PTBP3: variants seen among roughly 807,000 people sequenced by gnomAD.
PTBP3 encodes the protein polypyrimidine tract binding protein 3, also known as polypyrimidine tract-binding protein 3.
A neutral mutation model predicts 58.7 loss-of-function variants in PTBP3; 20 were observed. That is an observed-to-expected ratio of 0.34 (90% CI 0.24 to 0.50). PTBP3 has a LOEUF of 0.50. Among genes scored for constraint, PTBP3 ranks in the 20% least tolerant of loss-of-function variants. The probability of loss-of-function intolerance (pLI) is 0.98; values close to 1 mark genes in which losing one functional copy is unlikely to be tolerated. For missense variants in PTBP3, 509 were observed against 637.2 expected (o/e 0.80, Z 2.17); for synonymous variants, 185 against 219.8 (o/e 0.84, Z 1.40).
upstream of PTBP3, among the ~76,000 whole-genome samples, chr9:112,337,753 C>T (rs1338645803): frequency 3.3e-5 from 5 of 152,262 alleles, no homozygotes; most frequent in African/African-American, 9.6e-5. Context: ...ACACCACCCC[C>T]ATCACGATTA....
intron 1 of PTBP3, among the ~76,000 whole-genome samples, chr9:112,315,111 A>G (rs781628782): frequency 2.0e-5 from 3 of 152,056 alleles, no homozygotes; most frequent in African/African-American, 4.8e-5. Flanking sequence ...GATTACAGGC[A>G]TGAGCCACCG....
At chr9:112,370,648 G>C in the PTBP3 span, among the ~76,000 whole-genome samples, 2,057 of 152,258 alleles carry the variant, frequency 0.014, 24 homozygotes, top group Admixed American at 0.018. Context: ...TTGAGGATTG[G>C]CTTTTCCATT....
chr9:112,282,318 A>G (rs1827906695), intron 2 of PTBP3, among the ~76,000 whole-genome samples: 1 of 152,120 alleles, frequency 6.6e-6, no homozygotes, highest in African/African-American at 2.4e-5. Context: ...TTTACCACAT[A>G]AACAACTACT....
At chr9:112,244,289 C>CAAAAAAAAAAAAAAAA (rs56052359) in intron 7 of PTBP3, among the ~76,000 whole-genome samples, 1,672 of 36,062 alleles carry the variant, frequency 0.046, 421 homozygotes, top group African/African-American at 0.1. Context: ...GACTCTGTCT[C>CAAAAAAAAAAAAAAAA]AAAAAAAAAA....
At position 112,227,529 on chromosome 9, in the gene PTBP3, C is replaced by T. The variant is rs1835036218; in HGVS notation, c.1246G>A (p.Asp416Asn). ...AVQLPREGQE[D>N]QGLTKDFSNS... The stretch of plus-strand genomic sequence containing the variant: ...CTGAAATCCTTAGTCAGACCTTGGT[C>T]TTCTTGTCCCTCTCGAGGAAGCTGT... Residue 416 changes from aspartate (D) to asparagine (N), a missense_variant, in exon 12 of 14, where the codon GAC (aspartate) becomes AAC (asparagine). Coordinates refer to ENST00000374257, the MANE Select transcript of PTBP3 (RefSeq NM_001163788.4). 6.2e-7 allele frequency: 1 copy of T among 1,613,980 alleles called. No individual in the cohort carries two copies. Among genetic ancestry groups the T allele is most frequent in the East Asian group, 2.2e-5 (1 of 44,850 alleles).
chr9:112,345,618 C>T, the PTBP3 span, among the ~76,000 whole-genome samples: 8 of 151,554 alleles, frequency 5.3e-5, no homozygotes, highest in Non-Finnish European at 7.4e-5. Context: ...AGACCTCAAG[C>T]GATCCACCCA....
upstream of PTBP3, among the ~76,000 whole-genome samples, chr9:112,338,382 T>C (rs1353375421): frequency 6.6e-6 from 1 of 152,204 alleles, no homozygotes. Flanking sequence ...CTGCTTTTAA[T>C]AGTGTAATAC....
chr9:112,368,857 G>C, the PTBP3 span, among the ~76,000 whole-genome samples: 2 of 152,238 alleles, frequency 1.3e-5, no homozygotes, highest in Non-Finnish European at 2.9e-5. Context: ...ATCACAAGCT[G>C]GGAGACCTAG....
intron 1 of PTBP3, among the ~76,000 whole-genome samples, chr9:112,316,487 G>T (rs370170849): frequency 2.6e-5 from 4 of 152,174 alleles, no homozygotes; most frequent in East Asian, 3.8e-4. Flanking sequence ...CTCGAACATG[G>T]ATTCTTCCCT....
the PTBP3 span, among the ~76,000 whole-genome samples, chr9:112,345,963 T>C: frequency 6.6e-6 from 1 of 151,674 alleles, no homozygotes; most frequent in Admixed American, 6.6e-5. Context: ...CAAGCAATTC[T>C]CCCTGCCTCA....
intron 1 of PTBP3, among the ~76,000 whole-genome samples, chr9:112,331,861 G>A (rs1830391292): frequency 6.6e-6 from 1 of 152,148 alleles, no homozygotes; most frequent in Admixed American, 6.5e-5. Context: ...CAGCAAAGAC[G>A]CAAAATTCAA....
At chr9:112,368,527 CTTTTT>C in the PTBP3 span, among the ~76,000 whole-genome samples, 1,303 of 150,402 alleles carry the variant, frequency 8.7e-3, 27 homozygotes, top group African/African-American at 0.03. Flanking sequence ...CAAATCTTGG[CTTTTT>C]TTTTTTAAGG....
chr9:112,365,872 G>A, the PTBP3 span, among the ~76,000 whole-genome samples: 1 of 152,334 alleles, frequency 6.6e-6, no homozygotes, highest in Middle Eastern at 3.4e-3. Context: ...GAGCAAAAGT[G>A]ACTTGGGTGC....
chr9:112,229,536 G>A (rs1272428350), intron 10 of PTBP3, among the ~76,000 whole-genome samples: 2 of 146,480 alleles, frequency 1.4e-5, no homozygotes, highest in Non-Finnish European at 3.0e-5. Context: ...CCGCACTCCA[G>A]CCTGGGCAAC....
intron 1 of PTBP3, among the ~76,000 whole-genome samples, chr9:112,327,891 A>T (rs1227826133): frequency 6.6e-6 from 1 of 152,016 alleles, no homozygotes; most frequent in East Asian, 1.9e-4. Context: ...GCATTCATTC[A>T]CTCATCAAGT....
At chr9:112,233,960 A>AGT (rs1835350331) in intron 8 of PTBP3, among the ~76,000 whole-genome samples, 2 of 151,550 alleles carry the variant, frequency 1.3e-5, no homozygotes, top group Non-Finnish European at 2.9e-5. Context: ...AGAGAGAGAG[A>AGT]GAGTAGTTAA....
chr9:112,256,561 C>T (rs904260901), intron 5 of PTBP3, among the ~76,000 whole-genome samples: 1 of 151,928 alleles, frequency 6.6e-6, no homozygotes, highest in Non-Finnish European at 1.5e-5. Flanking sequence ...GAGATGGGGT[C>T]ACCCTGTCAC....
chr9:112,225,176 T>G lies in PTBP3; in HGVS notation c.1365-966A>C, dbSNP rs1834935304. Among the ~76,000 whole-genome samples, 2 of 152,178 alleles carry G rather than the reference T, an allele frequency of 1.3e-5. 1 individual carries two copies. Among genetic ancestry groups the G allele is most frequent in the South Asian group, 4.1e-4 (2 of 4,836 alleles). On this transcript the variant is annotated intron_variant, in intron 12 of 13. Coordinates refer to ENST00000374257, the MANE Select transcript of PTBP3 (RefSeq NM_001163788.4). The stretch of plus-strand genomic sequence containing the variant: ...TGACAGTCAACTGACTAAAAGTAGA[T>G]TCATCTCACAACTGCCAACAAGGAC...
intron 3 of PTBP3, among the ~76,000 whole-genome samples, chr9:112,268,589 G>A (rs943318967): frequency 1.3e-5 from 2 of 151,588 alleles, no homozygotes; most frequent in Admixed American, 1.3e-4. Context: ...CCAGCTACTT[G>A]GGGTGGGGGG....
Sources: allele counts gnomAD v4.1 joint callset (sites outside exome capture counted in the v4.1 genomes callset), GRCh38; gene constraint gnomAD v4.1.1; transcripts MANE v1.5; gene names NCBI Gene and HGNC (gene_info 2026-07-23, HGNC 2026-07-21).